Variants in CSE1L observed in about 807,000 individuals in gnomAD.
CSE1L encodes the protein exportin-2.
In CSE1L, 24 loss-of-function variants were observed where a neutral mutation model predicts 120.4. The observed-to-expected ratio is 0.20, with a 90% CI of 0.14 to 0.28. CSE1L has a LOEUF of 0.28. CSE1L is among the 10% of genes least tolerant of loss of function. The probability of loss-of-function intolerance (pLI) is 1.00; values close to 1 mark genes in which losing one functional copy is unlikely to be tolerated. For synonymous variants in CSE1L, 402 were observed against 398.3 expected (o/e 1.01, Z -0.11); for missense variants, 830 against 1,145.2 (o/e 0.72, Z 3.97).
At chr20:49,092,975 C>G (rs145314904) in intron 22 of CSE1L, among the ~76,000 whole-genome samples, 4 of 152,200 alleles carry the variant, frequency 2.6e-5, no homozygotes, top group African/African-American at 9.6e-5. Context: ...TTTGACTTAT[C>G]TGGTATATAT....
intron 17 of CSE1L, among the ~76,000 whole-genome samples, chr20:49,088,869 C>T (rs1432082855): frequency 6.6e-6 from 1 of 152,010 alleles, no homozygotes; most frequent in East Asian, 1.9e-4. Flanking sequence ...GGTTTTGTTG[C>T]TTAAAAAGAA....
At chr20:49,051,537 C>G (rs941397104) in intron 1 of CSE1L, among the ~76,000 whole-genome samples, 2 of 152,112 alleles carry the variant, frequency 1.3e-5, no homozygotes, top group Admixed American at 1.3e-4. Context: ...AGCAAAGACC[C>G]CTGTCTCCAA....
At chr20:49,083,127 C>G (rs2092027196) in intron 14 of CSE1L, among the ~76,000 whole-genome samples, 1 of 151,924 alleles carries the variant, frequency 6.6e-6, no homozygotes, top group African/African-American at 2.4e-5. Flanking sequence ...TGGGTTGAAG[C>G]CATTCTTCTG....
intron 10 of CSE1L, 49 bp downstream of exon 10, chr20:49,072,746 G>T (rs989687660): frequency 1.3e-6 from 2 of 1,511,548 alleles, no homozygotes; most frequent in African/African-American, 2.8e-5. Flanking sequence ...GTCTGTGTTT[G>T]TTTTTTGTAA....
intron 22 of CSE1L, among the ~76,000 whole-genome samples, chr20:49,092,626 G>A (rs754308380): frequency 7.2e-5 from 11 of 151,852 alleles, no homozygotes; most frequent in Admixed American, 5.3e-4. Context: ...CACAGGGCGG[G>A]GAACATCACA....
Position 49,072,281 on chromosome 20 carries a change from G to T in CSE1L, c.769-5G>T. ...TGTTGGAGTTTTTGTTTTCTTTTAT[G>T]TGAGGATGAAGAGGAAGCCGGCTTA... is the stretch of plus-strand genomic sequence containing the variant. On this transcript the variant is annotated splice_region_variant and splice_polypyrimidine_tract_variant and intron_variant, in intron 8 of 24. Coordinates refer to ENST00000262982, the MANE Select transcript of CSE1L (RefSeq NM_001316.4). 6.2e-7 allele frequency: 1 copy of T among 1,612,996 alleles called. No individual in the cohort carries two copies. The highest frequency in any genetic ancestry group is 8.5e-7 in the Non-Finnish European group (1 of 1,179,560).
intron 12 of CSE1L, among the ~76,000 whole-genome samples, chr20:49,076,771 T>G (rs545061708): frequency 2.0e-5 from 3 of 152,030 alleles, no homozygotes; most frequent in African/African-American, 7.2e-5. Context: ...CTTCAAGTGA[T>G]CTACCCGCCT....
At chr20:49,088,234 T>C in intron 17 of CSE1L, 128 bp downstream of exon 17, 1 of 668,500 alleles carries the variant, frequency 1.5e-6, no homozygotes, top group Non-Finnish European at 2.6e-6. Context: ...CAGCCACTAA[T>C]GGACTTTTCT....
At chr20:49,079,030 T>C (rs1346257530) in intron 14 of CSE1L, among the ~76,000 whole-genome samples, 1 of 152,032 alleles carries the variant, frequency 6.6e-6, no homozygotes. Flanking sequence ...TAGCTAGGAT[T>C]ACAGGCACCT....
intron 2 of CSE1L, 81 bp from the exon 3 acceptor site, chr20:49,063,118 ATTT>A (rs10714453): frequency 6.0e-4 from 430 of 713,090 alleles, no homozygotes; most frequent in Non-Finnish European, 7.3e-4. Flanking sequence ...TCTTTTTTTG[ATTT>A]TTTTTTATAT....
intron 14 of CSE1L, among the ~76,000 whole-genome samples, chr20:49,083,544 C>G (rs1193074755): frequency 6.6e-6 from 1 of 152,142 alleles, no homozygotes; most frequent in Non-Finnish European, 1.5e-5. Flanking sequence ...GGATTATAGA[C>G]AGGAATGAAC....
chr20:49,064,007 A>T (rs770140014), intron 3 of CSE1L, among the ~76,000 whole-genome samples: 3 of 152,210 alleles, frequency 2.0e-5, no homozygotes, highest in Non-Finnish European at 2.9e-5. Context: ...TAGGACAGTG[A>T]TTCTCAACTG....
chr20:49,060,827 A>G (rs922268199), intron 2 of CSE1L, among the ~76,000 whole-genome samples: 2 of 152,060 alleles, frequency 1.3e-5, no homozygotes, highest in Non-Finnish European at 1.5e-5. Flanking sequence ...TCTGGGCCAG[A>G]TATATCTTGT....
At chr20:49,049,170 AAG>A (rs1393158283) in intron 1 of CSE1L, among the ~76,000 whole-genome samples, 1 of 152,112 alleles carries the variant, frequency 6.6e-6, no homozygotes. Context: ...TACGTGGAGA[AAG>A]AAAAGTATCA....
chr20:49,067,146 TA>T (rs763312515), intron 5 of CSE1L, 43 bp from the exon 6 acceptor site: 10 of 1,274,600 alleles, frequency 7.8e-6, no homozygotes, highest in Admixed American at 1.8e-5. Context: ...AGTGAGTAAA[TA>T]AAAAAAACTT....
chr20:49,075,178 G>T, intron 11 of CSE1L, 140 bp from the exon 12 acceptor site: 2 of 646,544 alleles, frequency 3.1e-6, no homozygotes, highest in Non-Finnish European at 5.2e-6. Flanking sequence ...GCTATTGGGT[G>T]GCCCTTTGTT....
chr20:49,096,669 A>C lies in CSE1L; in HGVS notation c.*231A>C. 1 of 569,768 alleles carries C rather than the reference A, an allele frequency of 1.8e-6. No individual in the cohort carries two copies. Among genetic ancestry groups the C allele is most frequent in the Non-Finnish European group, 3.1e-6 (1 of 319,868 alleles). 35.3% of individuals were successfully genotyped at this position (569,768 alleles called of 1,614,324 possible). On this transcript the variant is annotated 3_prime_UTR_variant, in exon 25 of 25. Coordinates refer to ENST00000262982, the MANE Select transcript of CSE1L (RefSeq NM_001316.4). Reference sequence around the variant, plus strand: ...TTTGCAACTTCAAGGGACAAGTATTAATAGTTCAGTGTATGGCGTTGGTTT... The same window carrying C: ...TTTGCAACTTCAAGGGACAAGTATTCATAGTTCAGTGTATGGCGTTGGTTT...
At chr20:49,076,520 CTTTTTTTT>C (rs35713931) in intron 12 of CSE1L, among the ~76,000 whole-genome samples, 5 of 79,578 alleles carry the variant, frequency 6.3e-5, no homozygotes, top group Non-Finnish European at 1.2e-4. Flanking sequence ...CCCTCTCTCT[CTTTTTTTT>C]TTTTTTTTTT....
At chr20:49,063,735 A>G (rs992120285) in intron 3 of CSE1L, among the ~76,000 whole-genome samples, 3 of 152,260 alleles carry the variant, frequency 2.0e-5, no homozygotes, top group Admixed American at 6.5e-5. Context: ...CTCACCGCCT[A>G]CTGAAGAGAC....
Sources: allele counts gnomAD v4.1 joint callset (sites outside exome capture counted in the v4.1 genomes callset), GRCh38; gene constraint gnomAD v4.1.1; transcripts MANE v1.5; gene names NCBI Gene and HGNC (gene_info 2026-07-23, HGNC 2026-07-21).